The following ETNK1 variants were observed in gnomAD, a reference collection of about 807,000 sequenced individuals.
ETNK1 encodes the protein putative protein product of Nbla10396.
A neutral mutation model predicts 45.1 loss-of-function variants in ETNK1; 8 were observed. The ratio of observed to expected loss-of-function variants is 0.18; its 90% CI spans 0.10 to 0.32. The LOEUF (loss-of-function observed/expected upper bound fraction) is 0.32. ETNK1 is among the 10% of genes least tolerant of loss of function. The pLI is 1.00. For synonymous variants in ETNK1, 152 were observed against 151.9 expected, an observed-to-expected ratio of 1.00 and a Z score of -0.01; for missense variants, 302 against 430.6, an observed-to-expected ratio of 0.70 and a Z score of 2.64.
chr12:22,660,153 A>G (rs1057055018), intron 3 of ETNK1, among the ~76,000 whole-genome samples: 7 of 152,086 alleles, frequency 4.6e-5, no homozygotes, highest in African/African-American at 1.7e-4. Context: ...TGGAGAAAAT[A>G]TAGGTAGAAA....
rs1592139771 is a variant in ETNK1 at position 22,685,185 on chromosome 12, A to C, written c.*231A>C. Reference sequence around the variant, plus strand: ...ATTAGAAATGTGTTAAATCTGCAAAAGGTATAAAGATGTCAGTTTAATTTC... The same window carrying C: ...ATTAGAAATGTGTTAAATCTGCAAACGGTATAAAGATGTCAGTTTAATTTC... On this transcript the variant is annotated 3_prime_UTR_variant, in exon 8 of 8. Coordinates refer to ENST00000266517, the MANE Select transcript of ETNK1 (RefSeq NM_018638.5). The C allele has an allele frequency of 2.7e-6, 1 of 368,910 alleles. No individual in the cohort carries two copies. Among genetic ancestry groups the C allele is most frequent in the East Asian group, 4.2e-5 (1 of 24,058 alleles). The allele number at this position is 368,910 out of a possible 1,614,324, so 22.9% of individuals were successfully genotyped here.
chr12:22,649,083 T>C (rs1381273118), intron 2 of ETNK1, among the ~76,000 whole-genome samples: 1 of 152,138 alleles, frequency 6.6e-6, no homozygotes, highest in African/African-American at 2.4e-5. Flanking sequence ...TATTGCTGAA[T>C]TTTAAGAGCT....
chr12:22,635,735 T>C (rs1027956928), intron 1 of ETNK1, among the ~76,000 whole-genome samples: 5 of 152,156 alleles, frequency 3.3e-5, no homozygotes, highest in African/African-American at 1.2e-4. Flanking sequence ...AAATTTATTA[T>C]CTTAACCGGT....
At chr12:22,664,196 A>T (rs1282070935) in intron 4 of ETNK1, among the ~76,000 whole-genome samples, 2 of 151,990 alleles carry the variant, frequency 1.3e-5, no homozygotes, top group Non-Finnish European at 2.9e-5. Context: ...AATAGTCAAT[A>T]TTGAGTAAAT....
intron 5 of ETNK1, 79 bp downstream of exon 5, chr12:22,671,434 C>A: frequency 1.1e-6 from 1 of 933,586 alleles, no homozygotes; most frequent in Non-Finnish European, 1.7e-6. Context: ...AGTAGATAAA[C>A]CGTGAGCAGG....
chr12:22,660,965 G>T (rs191602847), intron 3 of ETNK1, 98 bp from the exon 4 acceptor site: 61 of 995,852 alleles, frequency 6.1e-5, no homozygotes, highest in Admixed American at 2.4e-4. Context: ...CAGTATGTGC[G>T]ATTAAATTGA....
At chr12:22,673,013 C>CA (rs1464529464) in intron 5 of ETNK1, among the ~76,000 whole-genome samples, 4 of 151,428 alleles carry the variant, frequency 2.6e-5, no homozygotes, top group South Asian at 2.1e-4. Context: ...TATAAGGTCT[C>CA]AAAAAAAATG....
At chr12:22,658,362 A>G (rs1343090986) in intron 2 of ETNK1, among the ~76,000 whole-genome samples, 2 of 152,222 alleles carry the variant, frequency 1.3e-5, no homozygotes, top group Non-Finnish European at 2.9e-5. Context: ...TGCCAGCTTC[A>G]GTGTATGTTC....
intron 4 of ETNK1, among the ~76,000 whole-genome samples, chr12:22,665,838 G>T (rs183633596): frequency 6.6e-6 from 1 of 152,030 alleles, no homozygotes; most frequent in Non-Finnish European, 1.5e-5. Context: ...ATAACTACTA[G>T]TAGGTAGTTA....
chr12:22,682,871 C>G (rs1015445967), intron 6 of ETNK1, among the ~76,000 whole-genome samples: 1 of 152,088 alleles, frequency 6.6e-6, no homozygotes, highest in Non-Finnish European at 1.5e-5. Context: ...ATGGGTTCAT[C>G]GACCACTTTA....
In ETNK1 at chr12:22,658,607, A is replaced by G. The variant is rs147534327; in HGVS notation, c.417-407A>G. Among the ~76,000 whole-genome samples, 34 of 152,260 alleles carry G rather than the reference A, an allele frequency of 2.2e-4. 1 individual carries two copies. Among genetic ancestry groups the G allele is most frequent in the African/African-American group, 7.9e-4 (33 of 41,544 alleles). ...CACAGCTGTGGGATTTTGGAATTGG[A>G]GAAGAGAGACTGGGCCCAACTCCAA... is the stretch of plus-strand genomic sequence containing the variant. On this transcript the variant is annotated intron_variant, in intron 2 of 7. Coordinates refer to ENST00000266517, the MANE Select transcript of ETNK1 (RefSeq NM_018638.5).
Position 22,685,385 on chromosome 12 carries a change from T to C in ETNK1, c.*431T>C, listed in dbSNP as rs952909333. On this transcript the variant is annotated 3_prime_UTR_variant, in exon 8 of 8. Transcript: ENST00000266517. Reference sequence around the variant, plus strand: ...TTCAGTAAACATTCTAGTTGTTCAGTGTAACCTTTTTATCTTGATGCATTG... The same window carrying C: ...TTCAGTAAACATTCTAGTTGTTCAGCGTAACCTTTTTATCTTGATGCATTG... 2.0e-5 allele frequency: 3 copies of C among 153,112 alleles called. No individual in the cohort carries two copies. Among genetic ancestry groups the C allele is most frequent in the Non-Finnish European group, 2.9e-5 (2 of 68,634 alleles). The allele number at this position is 153,112 out of a possible 1,614,324, so 9.5% of individuals were successfully genotyped here.
At chr12:22,664,247 A>AATAATATAATATGCAT (rs1954033778) in intron 4 of ETNK1, among the ~76,000 whole-genome samples, 1 of 152,018 alleles carries the variant, frequency 6.6e-6, no homozygotes, top group Non-Finnish European at 1.5e-5. Flanking sequence ...TTAATATGCA[A>AATAATATAATATGCAT]ATAATATAAT....
intron 2 of ETNK1, among the ~76,000 whole-genome samples, chr12:22,654,166 C>T (rs1484594151): frequency 6.6e-6 from 1 of 152,174 alleles, no homozygotes; most frequent in African/African-American, 2.4e-5. Flanking sequence ...AAGGTGCCAT[C>T]TGTAAGGAAC....
chr12:22,644,407 G>A, intron 2 of ETNK1: 1 of 1,249,400 alleles, frequency 8.0e-7, no homozygotes, highest in Non-Finnish European at 1.0e-6. Context: ...TTATTAATTT[G>A]GTTAACAATT....
chr12:22,683,417 C>G (rs1392857132), intron 6 of ETNK1, among the ~76,000 whole-genome samples: 2 of 152,020 alleles, frequency 1.3e-5, no homozygotes, highest in African/African-American at 2.4e-5. Flanking sequence ...AAGCCAAAAA[C>G]AAAGTGCAGA....
intron 6 of ETNK1, among the ~76,000 whole-genome samples, chr12:22,683,676 A>G (rs928412596): frequency 6.6e-6 from 1 of 152,076 alleles, no homozygotes; most frequent in African/African-American, 2.4e-5. Context: ...GCTGCTTGGT[A>G]TTTTTAAATA....
intron 2 of ETNK1, among the ~76,000 whole-genome samples, chr12:22,645,285 A>C (rs1953793331): frequency 6.6e-6 from 1 of 151,838 alleles, no homozygotes; most frequent in Non-Finnish European, 1.5e-5. Flanking sequence ...AACATATTTC[A>C]TGAAGTTCCT....
Position 22,685,501 on chromosome 12 carries a change from G to A in ETNK1, c.*547G>A, listed in dbSNP as rs1954253105. 1 of 151,768 alleles carries A rather than the reference G, an allele frequency of 6.6e-6. No individual in the cohort carries two copies. The highest frequency in any genetic ancestry group is 1.5e-5 in the Non-Finnish European group (1 of 67,766). The allele number at this position is 151,768 out of a possible 1,614,324, so 9.4% of individuals were successfully genotyped here. On this transcript the variant is annotated 3_prime_UTR_variant, in exon 8 of 8. Transcript: ENST00000266517. ...TCATATAAAAATAGCTGTTTAGGAAGGTGAAATACATTCACTGTCTCTGTT... is the reference window on the plus strand; with the variant it reads ...TCATATAAAAATAGCTGTTTAGGAAAGTGAAATACATTCACTGTCTCTGTT...
Sources: allele counts gnomAD v4.1 joint callset (sites outside exome capture counted in the v4.1 genomes callset), GRCh38; gene constraint gnomAD v4.1.1; transcripts MANE v1.5; gene names NCBI Gene and HGNC (gene_info 2026-07-23, HGNC 2026-07-21).